Variants in NEDD4L observed in about 807,000 individuals in gnomAD.
The protein encoded by NEDD4L is NEDD4 like E3 ubiquitin protein ligase.
Under a neutral mutation model 148.9 loss-of-function variants are expected in NEDD4L, and 54 were observed. The observed-to-expected ratio is 0.36, with a 90% CI of 0.29 to 0.45. The LOEUF is 0.45. NEDD4L is among the 20% of genes least tolerant of loss of function. The pLI is 1.00. For synonymous variants in NEDD4L, 433 were observed against 440.7 expected (o/e 0.98, Z 0.22); for missense variants, 856 against 1,233.8 (o/e 0.69, Z 4.59).
intron 22 of NEDD4L, among the ~76,000 whole-genome samples, chr18:58,369,781 C>T (rs921668212): frequency 1.3e-5 from 2 of 152,196 alleles, no homozygotes; most frequent in African/African-American, 2.4e-5. Context: ...AGGCCGACCT[C>T]GCTGCTGTTG....
chr18:58,221,600 C>T (rs891421033), intron 2 of NEDD4L: 11 of 985,384 alleles, frequency 1.1e-5, no homozygotes, highest in Non-Finnish European at 1.1e-5. Flanking sequence ...GGTATTCCCC[C>T]GGTATCAGCA....
intron 5 of NEDD4L, among the ~76,000 whole-genome samples, chr18:58,279,184 C>G (rs913898042): frequency 6.6e-6 from 1 of 151,902 alleles, no homozygotes; most frequent in Non-Finnish European, 1.5e-5. Flanking sequence ...GCCGATTATA[C>G]TTTTTTAATG....
At chr18:58,190,740 T>G (rs980289506) in intron 2 of NEDD4L, among the ~76,000 whole-genome samples, 4 of 152,214 alleles carry the variant, frequency 2.6e-5, no homozygotes, top group African/African-American at 7.2e-5. Flanking sequence ...AGTTACCTCT[T>G]TGAGTGAGAA....
intron 18 of NEDD4L, among the ~76,000 whole-genome samples, chr18:58,354,648 G>A (rs1244896048): frequency 6.6e-6 from 1 of 152,200 alleles, no homozygotes; most frequent in African/African-American, 2.4e-5. Context: ...GCTGGGACTG[G>A]TCTTAAGTGG....
intron 2 of NEDD4L, among the ~76,000 whole-genome samples, chr18:58,199,859 G>A (rs1165373754): frequency 6.6e-6 from 1 of 152,224 alleles, no homozygotes; most frequent in Non-Finnish European, 1.5e-5. Flanking sequence ...GAAATAAAGT[G>A]TGGAATTTTG....
At chr18:58,092,064 A>T (rs1449659227) in intron 1 of NEDD4L, among the ~76,000 whole-genome samples, 1 of 152,250 alleles carries the variant, frequency 6.6e-6, no homozygotes, top group Non-Finnish European at 1.5e-5. Flanking sequence ...GCTTTGTGTC[A>T]ACTCCAAGCC....
At chr18:58,294,254 A>C (rs1242965789) in intron 5 of NEDD4L, among the ~76,000 whole-genome samples, 3 of 152,206 alleles carry the variant, frequency 2.0e-5, no homozygotes, top group African/African-American at 7.2e-5. Flanking sequence ...AAGATAAATG[A>C]GAAGGTTTTC....
intron 2 of NEDD4L, among the ~76,000 whole-genome samples, chr18:58,220,727 G>T (rs2043660490): frequency 6.6e-6 from 1 of 152,236 alleles, no homozygotes; most frequent in African/African-American, 2.4e-5. Flanking sequence ...ATCTGCTGGG[G>T]TGGAGGGCTG....
chr18:58,350,194 A>G (rs1269249215), intron 17 of NEDD4L, among the ~76,000 whole-genome samples: 2 of 152,180 alleles, frequency 1.3e-5, no homozygotes, highest in Non-Finnish European at 1.5e-5. Flanking sequence ...GTGACAGGGC[A>G]GTGGTTGGAC....
At chr18:58,081,975 A>C (rs2083455070) in intron 1 of NEDD4L, among the ~76,000 whole-genome samples, 1 of 151,388 alleles carries the variant, frequency 6.6e-6, no homozygotes, top group Non-Finnish European at 1.5e-5. Context: ...AGAGTGAAAT[A>C]ATGCATTTTG....
intron 2 of NEDD4L, among the ~76,000 whole-genome samples, chr18:58,207,852 G>C (rs895508299): frequency 3.3e-5 from 5 of 152,136 alleles, no homozygotes; most frequent in African/African-American, 1.2e-4. Context: ...GAGGTATATT[G>C]AGACCAGCCT....
At chr18:58,286,006 T>A (rs2053854012) in intron 5 of NEDD4L, among the ~76,000 whole-genome samples, 1 of 152,234 alleles carries the variant, frequency 6.6e-6, no homozygotes, top group Admixed American at 6.5e-5. Flanking sequence ...TTGTCATACC[T>A]TAAGTTCTTA....
intron 5 of NEDD4L, among the ~76,000 whole-genome samples, chr18:58,270,194 G>A (rs910192855): frequency 6.6e-6 from 1 of 152,162 alleles, no homozygotes; most frequent in African/African-American, 2.4e-5. Flanking sequence ...GAAAGTGTTG[G>A]CCAGTTGTCA....
intron 24 of NEDD4L, 109 bp downstream of exon 24, chr18:58,373,378 C>A: frequency 1.5e-6 from 1 of 675,962 alleles, no homozygotes; most frequent in Non-Finnish European, 2.7e-6. Flanking sequence ...CCAGCAGGAG[C>A]TGCAGGTGTT....
At chr18:58,381,133 A>G (rs1173097906) in intron 24 of NEDD4L, among the ~76,000 whole-genome samples, 2 of 152,204 alleles carry the variant, frequency 1.3e-5, no homozygotes, top group East Asian at 1.9e-4. Context: ...TTCCATTGCT[A>G]TAAACTCCAA....
chr18:58,211,656 G>A (rs943282873), intron 2 of NEDD4L, among the ~76,000 whole-genome samples: 5 of 152,136 alleles, frequency 3.3e-5, no homozygotes, highest in Admixed American at 6.5e-5. Flanking sequence ...GAATAAATAC[G>A]TACTACCTGA....
rs552478716 is a variant in NEDD4L at position 58,286,954 on chromosome 18, C to G, written c.298-29028C>G. ...GGATATATGGGGACATTTGACTGTT[C>G]TTTGACCATAATTATATAACTTTTT... On this transcript the variant is annotated intron_variant, in intron 5 of 30. Transcript: ENST00000400345. Among the ~76,000 whole-genome samples the G allele has an allele frequency of 3.3e-5, 5 of 152,284 alleles. No individual in the cohort carries two copies. The South Asian group carries it at 1.0e-3, about 32-fold the overall frequency.
intron 5 of NEDD4L, among the ~76,000 whole-genome samples, chr18:58,279,257 AG>A (rs2052630986): frequency 6.6e-6 from 1 of 152,150 alleles, no homozygotes; most frequent in Non-Finnish European, 1.5e-5. Context: ...CTTCCAGTCT[AG>A]TGAGAGAGGC....
intron 1 of NEDD4L, among the ~76,000 whole-genome samples, chr18:58,147,676 A>G (rs1455400969): frequency 6.6e-6 from 1 of 152,156 alleles, no homozygotes; most frequent in Non-Finnish European, 1.5e-5. Context: ...TTCAGTTTGC[A>G]TATGGTGAGG....
Sources: gnomAD v4.1 joint callset for allele counts (sites outside exome capture counted in the v4.1 genomes callset) on GRCh38, gnomAD v4.1.1 for gene constraint, MANE v1.5 for transcripts, NCBI Gene and HGNC (gene_info 2026-07-23, HGNC 2026-07-21) for gene names.